The following FAM81A variants were observed in gnomAD, a reference collection of about 807,000 sequenced individuals.
FAM81A encodes protein FAM81A.
FAM81A carries 19 observed loss-of-function variants against 46.7 expected under a neutral mutation model. The observed-to-expected ratio is 0.41, with a 90% CI of 0.28 to 0.60. FAM81A has a LOEUF of 0.60. Among genes scored for constraint, FAM81A ranks in the 20% least tolerant of loss-of-function variants. FAM81A has a pLI of 0.34. For missense variants in FAM81A, 377 were observed against 453.5 expected (o/e 0.83, Z 1.53); for synonymous variants, 183 against 152.9 (o/e 1.20, Z -1.45).
chr15:59,510,334 A>C (rs1303963550), intron 6 of FAM81A, among the ~76,000 whole-genome samples: 1 of 148,920 alleles, frequency 6.7e-6, no homozygotes, highest in African/African-American at 2.5e-5. Context: ...ACACCACTGC[A>C]CTCCAGCCTG....
intron 4 of FAM81A, among the ~76,000 whole-genome samples, chr15:59,505,736 G>A (rs1404880537): frequency 5.3e-5 from 8 of 152,050 alleles, no homozygotes; most frequent in East Asian, 1.9e-4. Context: ...ATCTAACTCC[G>A]AACCCTTCTG....
intron 1 of FAM81A, among the ~76,000 whole-genome samples, chr15:59,446,150 G>A (rs1387771393): frequency 6.6e-6 from 1 of 152,232 alleles, no homozygotes; most frequent in Non-Finnish European, 1.5e-5. Flanking sequence ...GAGATTACAG[G>A]TTCATGTAGG....
At chr15:59,432,492 G>A (rs1287936090) in intron 2 of FAM81A, among the ~76,000 whole-genome samples, 4 of 152,168 alleles carry the variant, frequency 2.6e-5, no homozygotes, top group Non-Finnish European at 4.4e-5. Flanking sequence ...AGTTTGTAAG[G>A]CATTTTTCCT....
chr15:59,401,087 A>T, intron 1 of FAM81A: 5 of 555,848 alleles, frequency 9.0e-6, no homozygotes, highest in Non-Finnish European at 1.3e-5. Context: ...TTTCCATTTT[A>T]ATGTTTGCAA....
In FAM81A at chr15:59,521,471, G is replaced by C. The variant is rs939062858; in HGVS notation, c.*93G>C. 6 of 1,427,046 alleles carry C rather than the reference G, an allele frequency of 4.2e-6. No homozygotes were observed. The African/African-American group carries it at 7.2e-5, about 17-fold the overall frequency. 88.4% of individuals were successfully genotyped at this position (1,427,046 alleles called of 1,614,324 possible). On this transcript the variant is annotated 3_prime_UTR_variant, in exon 9 of 9. Coordinates refer to ENST00000288228, the MANE Select transcript of FAM81A (RefSeq NM_152450.3). ...CCAGGCCATCGCTGCATTCAGGATT[G>C]TTCCATCCATGGCGTGCATGTGCCA... is the stretch of plus-strand genomic sequence containing the variant.
chr15:59,412,432 A>G (rs1469078288), intron 2 of FAM81A, among the ~76,000 whole-genome samples: 1 of 152,134 alleles, frequency 6.6e-6, no homozygotes, highest in Non-Finnish European at 1.5e-5. Context: ...GGTTCCAAAG[A>G]ATAGTGTTAC....
intron 3 of FAM81A, among the ~76,000 whole-genome samples, chr15:59,483,446 C>G (rs1458422247): frequency 1.3e-5 from 2 of 151,122 alleles, no homozygotes; most frequent in Non-Finnish European, 2.9e-5. Context: ...TTTGAAAATC[C>G]TGAAAAAAAT....
chr15:59,473,105 G>A (rs1286351522), intron 3 of FAM81A, among the ~76,000 whole-genome samples: 1 of 152,154 alleles, frequency 6.6e-6, no homozygotes, highest in African/African-American at 2.4e-5. Context: ...CCAAGTGATG[G>A]GGATCAATAA....
chr15:59,436,917 G>A (rs2081247085), upstream of FAM81A, among the ~76,000 whole-genome samples: 3 of 152,218 alleles, frequency 2.0e-5, no homozygotes, highest in South Asian at 4.1e-4. Context: ...TCTAAGCTCT[G>A]TGGGATCAGA....
At chr15:59,518,229 C>T (rs1309474152) in intron 8 of FAM81A, among the ~76,000 whole-genome samples, 2 of 151,610 alleles carry the variant, frequency 1.3e-5, no homozygotes, top group South Asian at 2.1e-4. Flanking sequence ...CCTCCCGCCT[C>T]GGCCTGCTGA....
chr15:59,407,498 T>C (rs2081101521), intron 2 of FAM81A, among the ~76,000 whole-genome samples: 1 of 152,004 alleles, frequency 6.6e-6, no homozygotes. Flanking sequence ...GGTTTCACCA[T>C]GTTAGCCAGG....
chr15:59,518,976 TGG>T (rs1491554710), intron 8 of FAM81A, among the ~76,000 whole-genome samples: 1 of 149,134 alleles, frequency 6.7e-6, no homozygotes, highest in Non-Finnish European at 1.5e-5. Flanking sequence ...TGTGTGTGTG[TGG>T]CAAGAACACC....
At chr15:59,494,429 C>T (rs1567069117) in intron 4 of FAM81A, among the ~76,000 whole-genome samples, 2 of 152,192 alleles carry the variant, frequency 1.3e-5, no homozygotes, top group Non-Finnish European at 2.9e-5. Flanking sequence ...GCTTTATCAT[C>T]TCAGGGGCAA....
chr15:59,403,906 CAG>C (rs1280781202), intron 2 of FAM81A, among the ~76,000 whole-genome samples: 1 of 136,568 alleles, frequency 7.3e-6, no homozygotes, highest in African/African-American at 2.9e-5. Flanking sequence ...TTTTTTGAGA[CAG>C]AGTCTCACTC....
At chr15:59,508,824 C>T (rs778919977) in intron 5 of FAM81A, 39 bp from the exon 6 acceptor site, 41 of 1,500,644 alleles carry the variant, frequency 2.7e-5, no homozygotes, top group Non-Finnish European at 3.6e-5. Flanking sequence ...CATCTGAAGA[C>T]GTTAGATGTG....
intron 2 of FAM81A, among the ~76,000 whole-genome samples, chr15:59,419,078 G>C (rs1453141418): frequency 6.6e-6 from 1 of 152,180 alleles, no homozygotes; most frequent in Non-Finnish European, 1.5e-5. Context: ...TTAAGTCACT[G>C]GTAGTTGGTT....
At chr15:59,518,413 GC>G (rs1210246474) in intron 8 of FAM81A, among the ~76,000 whole-genome samples, 1 of 152,028 alleles carries the variant, frequency 6.6e-6, no homozygotes, top group Non-Finnish European at 1.5e-5. Flanking sequence ...AGCCTCCTGG[GC>G]TCAGGTGAGC....
At chr15:59,417,956 G>A (rs1261187883) in intron 2 of FAM81A, among the ~76,000 whole-genome samples, 1 of 151,984 alleles carries the variant, frequency 6.6e-6, no homozygotes, top group East Asian at 1.9e-4. Context: ...GGTGTGTGAT[G>A]TTCCCCTTCC....
chr15:59,421,785 A>G (rs1397884194), intron 2 of FAM81A, among the ~76,000 whole-genome samples: 1 of 148,544 alleles, frequency 6.7e-6, no homozygotes, highest in African/African-American at 2.6e-5. Flanking sequence ...CTATCTATCT[A>G]TCTATCTACC....
Sources: allele counts gnomAD v4.1 joint callset (sites outside exome capture counted in the v4.1 genomes callset), GRCh38; gene constraint gnomAD v4.1.1; transcripts MANE v1.5; gene names NCBI Gene and HGNC (gene_info 2026-07-23, HGNC 2026-07-21).